The following DSCAML1 variants were observed in gnomAD, a reference collection of about 807,000 sequenced individuals.
DSCAML1 encodes DS cell adhesion molecule like 1, also known as cell adhesion molecule DSCAML1.
A neutral mutation model predicts 200.5 loss-of-function variants in DSCAML1; 38 were observed. That is an observed-to-expected ratio of 0.19 (90% CI 0.15 to 0.25). The LOEUF (loss-of-function observed/expected upper bound fraction) is 0.25. Among genes scored for constraint, DSCAML1 ranks in the 10% least tolerant of loss-of-function variants. The pLI, the probability that DSCAML1 is intolerant of heterozygous loss-of-function variation, is 1.00. For missense variants in DSCAML1, 2,223 were observed against 2,858.8 expected, an observed-to-expected ratio of 0.78 and a Z score of 5.07; for synonymous variants, 1,215 against 1,165.0, an observed-to-expected ratio of 1.04 and a Z score of -0.87.
chr11:117,651,195 G>A (rs1241647494), intron 3 of DSCAML1, among the ~76,000 whole-genome samples: 1 of 152,238 alleles, frequency 6.6e-6, no homozygotes, highest in Non-Finnish European at 1.5e-5. Flanking sequence ...ATGGCTACTG[G>A]ACCAGGGTCT....
chr11:117,497,882 C>A lies in DSCAML1; in HGVS notation c.2359+5963G>T, dbSNP rs562036226. On this transcript the variant is annotated intron_variant, in intron 11 of 32. Transcript: ENST00000651296. Reference sequence around the variant, plus strand: ...CAGGCCTCAGCCCTTGAGTGCTGCCCCGCCTCCTCCCCCTGCTGCTTGCAG... The same window carrying A: ...CAGGCCTCAGCCCTTGAGTGCTGCCACGCCTCCTCCCCCTGCTGCTTGCAG... Among the ~76,000 whole-genome samples, 30 of 152,368 alleles carry A rather than the reference C, an allele frequency of 2.0e-4. No homozygotes were observed. In the East Asian group the frequency reaches 4.8e-3, roughly 25 times the overall value.
intron 11 of DSCAML1, among the ~76,000 whole-genome samples, chr11:117,495,583 G>A (rs2137256980): frequency 1.3e-5 from 2 of 152,254 alleles, no homozygotes; most frequent in Admixed American, 1.3e-4. Context: ...GGGGGTGGGA[G>A]CCTTAGGCTT....
At chr11:117,778,672 T>C (rs1475254227) in intron 2 of DSCAML1, among the ~76,000 whole-genome samples, 1 of 152,258 alleles carries the variant, frequency 6.6e-6, no homozygotes, top group Non-Finnish European at 1.5e-5. Flanking sequence ...ATCTCTTCAT[T>C]TGTGAAAACA....
At chr11:117,453,689 T>G (rs1262743561) in intron 19 of DSCAML1, among the ~76,000 whole-genome samples, 1 of 152,084 alleles carries the variant, frequency 6.6e-6, no homozygotes, top group Non-Finnish European at 1.5e-5. Context: ...TCTCTCTCTT[T>G]TCTTTATCAG....
chr11:117,442,084 A>T (rs1189925301), intron 21 of DSCAML1, among the ~76,000 whole-genome samples: 1 of 147,186 alleles, frequency 6.8e-6, no homozygotes, highest in East Asian at 2.1e-4. Flanking sequence ...GTTTGTGCAC[A>T]TGCATGTGAG....
chr11:117,578,235 C>CAA (rs1263108249), intron 3 of DSCAML1, among the ~76,000 whole-genome samples: 4 of 18,284 alleles, frequency 2.2e-4, no homozygotes, highest in East Asian at 6.9e-4. Context: ...AACTCTGTCT[C>CAA]GAAAAAAAAA....
chr11:117,547,646 C>T (rs926447217), intron 3 of DSCAML1, among the ~76,000 whole-genome samples: 4 of 152,322 alleles, frequency 2.6e-5, no homozygotes, highest in Admixed American at 6.5e-5. Context: ...CCCAACACCC[C>T]GCGTGCTATA....
intron 3 of DSCAML1, among the ~76,000 whole-genome samples, chr11:117,657,315 A>G (rs2052755662): frequency 6.6e-6 from 1 of 152,240 alleles, no homozygotes; most frequent in African/African-American, 2.4e-5. Context: ...GAGAGCCTTG[A>G]GTCCACAAGA....
At chr11:117,434,294 C>T (rs77116104) in intron 27 of DSCAML1, among the ~76,000 whole-genome samples, 2,138 of 152,212 alleles carry the variant, frequency 0.014, 44 homozygotes, top group African/African-American at 0.049. Flanking sequence ...ACCTATTCAA[C>T]CATCCATCTG....
chr11:117,625,529 A>C (rs1018140095), intron 3 of DSCAML1, among the ~76,000 whole-genome samples: 2 of 152,312 alleles, frequency 1.3e-5, no homozygotes, highest in Non-Finnish European at 2.9e-5. Flanking sequence ...ACTGGGTCCC[A>C]GTGGTGTGAC....
chr11:117,755,620 T>C (rs2137878783), intron 3 of DSCAML1, among the ~76,000 whole-genome samples: 1 of 151,764 alleles, frequency 6.6e-6, no homozygotes, highest in South Asian at 2.1e-4. Context: ...AATTACAGAG[T>C]CAAGTCAGAA....
At chr11:117,465,548 CCTT>C (rs1157318488) in intron 16 of DSCAML1, among the ~76,000 whole-genome samples, 2 of 152,200 alleles carry the variant, frequency 1.3e-5, no homozygotes, top group African/African-American at 4.8e-5. Context: ...CTCTGGCACT[CCTT>C]ATTTTTCTTC....
intron 19 of DSCAML1, among the ~76,000 whole-genome samples, chr11:117,457,828 G>A (rs2048402244): frequency 6.6e-6 from 1 of 152,136 alleles, no homozygotes; most frequent in Non-Finnish European, 1.5e-5. Context: ...CTAGACTCTG[G>A]GTCTCCATAT....
At chr11:117,741,010 T>C (rs1565256317) in intron 3 of DSCAML1, among the ~76,000 whole-genome samples, 1 of 152,196 alleles carries the variant, frequency 6.6e-6, no homozygotes, top group African/African-American at 2.4e-5. Flanking sequence ...GAAGAAAAGG[T>C]GAACTGGACA....
intron 3 of DSCAML1, among the ~76,000 whole-genome samples, chr11:117,723,410 C>A (rs758960076): frequency 7.2e-5 from 11 of 152,168 alleles, no homozygotes; most frequent in Non-Finnish European, 1.5e-4. Flanking sequence ...TTACAAATAT[C>A]CAGCTTGTGT....
intron 1 of DSCAML1, among the ~76,000 whole-genome samples, chr11:117,786,765 T>C (rs2055361148): frequency 6.6e-6 from 1 of 152,186 alleles, no homozygotes; most frequent in Non-Finnish European, 1.5e-5. Flanking sequence ...TTTTGTTCTC[T>C]TCCCTTACAA....
At chr11:117,613,855 T>A (rs1427693031) in intron 3 of DSCAML1, among the ~76,000 whole-genome samples, 1 of 151,944 alleles carries the variant, frequency 6.6e-6, no homozygotes, top group Non-Finnish European at 1.5e-5. Flanking sequence ...AGCTCAGAGG[T>A]CTTGGCTGCA....
chr11:117,744,955 GC>G (rs2054490980), intron 3 of DSCAML1, among the ~76,000 whole-genome samples: 1 of 152,236 alleles, frequency 6.6e-6, no homozygotes. Context: ...AGGACGTGCT[GC>G]CCAGAGGGTA....
chr11:117,569,493 G>T (rs112907228), intron 3 of DSCAML1, among the ~76,000 whole-genome samples: 179 of 152,148 alleles, frequency 1.2e-3, no homozygotes, highest in African/African-American at 4.1e-3. Context: ...TGTTGCCCAG[G>T]TCTCAAACTC....
Sources: allele counts gnomAD v4.1 joint callset (sites outside exome capture counted in the v4.1 genomes callset), GRCh38; gene constraint gnomAD v4.1.1; transcripts MANE v1.5; gene names NCBI Gene and HGNC (gene_info 2026-07-23, HGNC 2026-07-21).